Variants in ARFGEF1 observed in about 807,000 individuals in gnomAD.
The protein encoded by ARFGEF1 is ARF guanine nucleotide exchange factor 1, also known as brefeldin A-inhibited guanine nucleotide-exchange protein 1.
In ARFGEF1, 42 loss-of-function variants were observed where a neutral mutation model predicts 231.0. The observed-to-expected ratio is 0.18, with a 90% CI of 0.14 to 0.24. The LOEUF is 0.24. Among genes scored for constraint, ARFGEF1 ranks in the 10% least tolerant of loss-of-function variants. ARFGEF1 has a pLI of 1.00. For synonymous variants in ARFGEF1, 710 were observed against 732.3 expected, an observed-to-expected ratio of 0.97 and a Z score of 0.49; for missense variants, 1,345 against 2,192.0, an observed-to-expected ratio of 0.61 and a Z score of 7.72.
chr8:67,271,279 C>T (rs1382608086), intron 10 of ARFGEF1, among the ~76,000 whole-genome samples: 2 of 151,672 alleles, frequency 1.3e-5, no homozygotes, highest in South Asian at 4.2e-4. Context: ...AAATATAATG[C>T]CCCTCAATCA....
chr8:67,190,499 TAAAAA>T (rs1476791589), intron 5 of ARFGEF1: 3 of 622,048 alleles, frequency 4.8e-6, no homozygotes, highest in Non-Finnish European at 8.7e-6. Context: ...GTAAATTTAC[TAAAAA>T]AATCACCGAA....
chr8:67,251,881 T>C (rs905888028), intron 18 of ARFGEF1, among the ~76,000 whole-genome samples: 3 of 151,984 alleles, frequency 2.0e-5, no homozygotes, highest in African/African-American at 2.4e-5. Flanking sequence ...TGGAAACCTA[T>C]GAAAAGGGAA....
At chr8:67,181,799 A>G (rs909409200) in intron 5 of ARFGEF1, among the ~76,000 whole-genome samples, 7 of 152,114 alleles carry the variant, frequency 4.6e-5, no homozygotes, top group Non-Finnish European at 5.9e-5. Context: ...TGAAAATAGA[A>G]ACTCTTCATA....
chr8:67,310,296 G>A (rs926579456), intron 1 of ARFGEF1, among the ~76,000 whole-genome samples: 2 of 152,300 alleles, frequency 1.3e-5, no homozygotes. Context: ...ACGGGGTTTC[G>A]CTGTGTTGGC....
At chr8:67,302,404 T>C in intron 2 of ARFGEF1, 32 bp downstream of exon 2, 1 of 1,545,376 alleles carries the variant, frequency 6.5e-7, no homozygotes, top group South Asian at 1.3e-5. Flanking sequence ...GTTTGAAAAT[T>C]ATTTTTACTA....
At chr8:67,297,356 T>C (rs1033008896) in intron 4 of ARFGEF1, among the ~76,000 whole-genome samples, 13 of 152,186 alleles carry the variant, frequency 8.5e-5, no homozygotes, top group African/African-American at 2.4e-4. Context: ...CTGAACTCAA[T>C]AGCTGTGCTG....
At chr8:67,244,412 A>G (rs1840041422) in intron 19 of ARFGEF1, among the ~76,000 whole-genome samples, 1 of 138,704 alleles carries the variant, frequency 7.2e-6, no homozygotes, top group Non-Finnish European at 1.5e-5. Flanking sequence ...AGGCTCAAGC[A>G]ATCCTCCCAC....
chr8:67,244,266 A>AAAAC lies in ARFGEF1; in HGVS notation c.2851-3977_2851-3976insGTTT, dbSNP rs1563860748. On this transcript the variant is annotated intron_variant, in intron 19 of 38. Coordinates refer to ENST00000262215, the MANE Select transcript of ARFGEF1 (RefSeq NM_006421.5). The stretch of plus-strand genomic sequence containing the variant: ...TCAAAAAAAAAAAAAAAAAAAAAAA[A>AAAAC]AACATTCGACTACTGAGTCTCTCGT... 6.3e-3 allele frequency among the ~76,000 whole-genome samples: 109 copies of AAAAC among 17,212 alleles called. 18 individuals are homozygous for AAAAC. The highest frequency in any genetic ancestry group is 0.031 in the African/African-American group (107 of 3,426). The allele number at this position is 17,212 out of a possible 152,430, so 11.3% of individuals were successfully genotyped here. A position where few individuals can be genotyped will look rare whatever the true frequency, so the allele number is the denominator to read the frequency against.
intron 1 of ARFGEF1, among the ~76,000 whole-genome samples, chr8:67,338,122 T>C: frequency 6.6e-6 from 1 of 152,196 alleles, no homozygotes; most frequent in East Asian, 1.9e-4. Context: ...TACCTGCCCC[T>C]AGATGGGGTG....
chr8:67,210,745 G>T (rs576883661), intron 34 of ARFGEF1, among the ~76,000 whole-genome samples: 2 of 152,132 alleles, frequency 1.3e-5, no homozygotes, highest in Non-Finnish European at 2.9e-5. Flanking sequence ...TCCAAATTAG[G>T]ATAAACACAG....
At chr8:67,275,941 C>A (rs766282338) in intron 9 of ARFGEF1, 35 bp downstream of exon 9, 1 of 1,610,104 alleles carries the variant, frequency 6.2e-7, no homozygotes, top group East Asian at 2.2e-5. Context: ...AGCCTAAAAA[C>A]CTCTATTTGT....
At chr8:67,318,940 G>A (rs1013839370) in intron 1 of ARFGEF1, among the ~76,000 whole-genome samples, 6 of 152,142 alleles carry the variant, frequency 3.9e-5, no homozygotes, top group African/African-American at 1.4e-4. Context: ...GCCACTGCCT[G>A]AGCAACAGAA....
Position 67,296,525 on chromosome 8 carries a change from T to C in ARFGEF1, c.545A>G (p.Tyr182Cys). The C allele has an allele frequency of 6.2e-7, 1 of 1,614,032 alleles. No individual in the cohort carries two copies. The highest frequency in any genetic ancestry group is 8.5e-7 in the Non-Finnish European group (1 of 1,179,966). Residue 182 changes from tyrosine to cysteine, a missense_variant, in exon 5 of 39, where the codon TAC (tyrosine) becomes TGC (cysteine). Physicochemically the swap from Tyr to Cys is radical, Grantham distance 194 (BLOSUM62 -2). Transcript: ENST00000262215. ...ATTGATGAGATTTTTGCTTGCTAAG[T>C]AGATATTGTAACATGTTCTCACAGC... ...LQAVRTCYNI[Y>C]LASKNLINQT... is the part of the protein sequence containing the mutation.
At position 67,271,541 on chromosome 8, in the gene ARFGEF1, T is replaced by G. The variant is rs111875042; in HGVS notation, c.1572+161A>C. On this transcript the variant is annotated intron_variant, in intron 10 of 38. Coordinates refer to ENST00000262215, the MANE Select transcript of ARFGEF1 (RefSeq NM_006421.5). ...TGCTTATCCAGTGCCTAGTACTTCG[T>G]TGGCACATATTAGTTGAACAGGTGA... is the stretch of plus-strand genomic sequence containing the variant. Among the ~76,000 whole-genome samples the G allele has an allele frequency of 2.0e-3, 300 of 152,344 alleles. 4 individuals are homozygous for G. The highest frequency in any genetic ancestry group is 6.9e-3 in the African/African-American group (285 of 41,576).
chr8:67,311,307 C>T (rs1372852248), intron 1 of ARFGEF1, among the ~76,000 whole-genome samples: 1 of 125,756 alleles, frequency 8.0e-6, no homozygotes, highest in African/African-American at 3.1e-5. Context: ...AGCCCCCCCG[C>T]CCGGCCAGCT....
chr8:67,184,520 C>T (rs1452767017), intron 5 of ARFGEF1, among the ~76,000 whole-genome samples: 1 of 148,706 alleles, frequency 6.7e-6, no homozygotes, highest in African/African-American at 2.5e-5. Flanking sequence ...GGCGGATCAC[C>T]TGAAGTCAGG....
At chr8:67,242,975 G>C (rs1839977170) in intron 19 of ARFGEF1, among the ~76,000 whole-genome samples, 1 of 152,192 alleles carries the variant, frequency 6.6e-6, no homozygotes, top group South Asian at 2.1e-4. Flanking sequence ...GTGTCTTGTA[G>C]TTTGAGTGCC....
Position 67,343,606 on chromosome 8 carries a change from A to C in ARFGEF1, c.-319T>G. ...CGTCCCTCCGGCCCTGGTGGCGGTGAGGGAGCCCGGCCCGGGCGGCTGTCT... is the reference window on the plus strand; with the variant it reads ...CGTCCCTCCGGCCCTGGTGGCGGTGCGGGAGCCCGGCCCGGGCGGCTGTCT... On this transcript the variant is annotated 5_prime_UTR_variant, in exon 1 of 39. Coordinates refer to ENST00000262215, the MANE Select transcript of ARFGEF1 (RefSeq NM_006421.5). 9.6e-7 allele frequency: 1 copy of C among 1,045,158 alleles called. No individual in the cohort carries two copies. The highest frequency in any genetic ancestry group is 7.7e-5 in the East Asian group (1 of 12,932). 64.7% of individuals were successfully genotyped at this position (1,045,158 alleles called of 1,614,324 possible).
chr8:67,211,705 T>C, intron 33 of ARFGEF1, 90 bp from the exon 34 acceptor site: 1 of 721,816 alleles, frequency 1.4e-6, no homozygotes, highest in Non-Finnish European at 2.0e-6. Flanking sequence ...AAAAATTATA[T>C]TATGTCCCTA....
Sources: allele counts gnomAD v4.1 joint callset (sites outside exome capture counted in the v4.1 genomes callset), GRCh38; gene constraint gnomAD v4.1.1; transcripts MANE v1.5; gene names NCBI Gene and HGNC (gene_info 2026-07-23, HGNC 2026-07-21).